STIM1: variants seen among roughly 807,000 people sequenced by gnomAD.
The protein encoded by STIM1 is stromal interaction molecule 1.
STIM1 carries 25 observed loss-of-function variants against 74.7 expected under a neutral mutation model. That is an observed-to-expected ratio of 0.33 (90% CI 0.24 to 0.47). The LOEUF (loss-of-function observed/expected upper bound fraction) is 0.47. Among genes scored for constraint, STIM1 ranks in the 20% least tolerant of loss-of-function variants. The pLI, the probability that STIM1 is intolerant of heterozygous loss-of-function variation, is 1.00. For synonymous variants in STIM1, 328 were observed against 348.8 expected, an observed-to-expected ratio of 0.94 and a Z score of 0.66; for missense variants, 728 against 920.8, an observed-to-expected ratio of 0.79 and a Z score of 2.71.
chr11:4,036,207 T>C (rs1420633356), intron 3 of STIM1, among the ~76,000 whole-genome samples: 1 of 152,122 alleles, frequency 6.6e-6, no homozygotes, highest in Non-Finnish European at 1.5e-5. Flanking sequence ...CATGGGTGCA[T>C]AGTATTCCAT....
chr11:3,942,383 A>T (rs994187543), intron 1 of STIM1, among the ~76,000 whole-genome samples: 1 of 152,162 alleles, frequency 6.6e-6, no homozygotes, highest in Non-Finnish European at 1.5e-5. Context: ...CTTCCTTGTA[A>T]ACTTGTAAGT....
At chr11:3,946,237 C>T (rs2093071909) in intron 1 of STIM1, among the ~76,000 whole-genome samples, 1 of 152,086 alleles carries the variant, frequency 6.6e-6, no homozygotes, top group Non-Finnish European at 1.5e-5. Flanking sequence ...GAGACTTGCC[C>T]TCTCTACACC....
chr11:4,059,221 AC>A, intron 4 of STIM1, 59 bp from the exon 5 acceptor site: 1 of 1,434,628 alleles, frequency 7.0e-7, no homozygotes, highest in Non-Finnish European at 9.8e-7. Context: ...GGGTAATCCT[AC>A]CAGGATCCTT....
chr11:4,018,276 C>T (rs2093918548), intron 2 of STIM1, among the ~76,000 whole-genome samples: 1 of 149,830 alleles, frequency 6.7e-6, no homozygotes, highest in East Asian at 2.0e-4. Flanking sequence ...GGTGAAACCC[C>T]GTCTCTACTA....
At chr11:3,932,773 G>A (rs1448438116) in intron 1 of STIM1, among the ~76,000 whole-genome samples, 1 of 151,986 alleles carries the variant, frequency 6.6e-6, no homozygotes, top group African/African-American at 2.4e-5. Flanking sequence ...GAACCAGTAA[G>A]CGGGCCCTCG....
intron 2 of STIM1, 109 bp from the exon 3 acceptor site, chr11:4,023,764 T>C: frequency 5.3e-6 from 4 of 757,896 alleles, no homozygotes; most frequent in Non-Finnish European, 9.4e-6. Flanking sequence ...ACTTGTATGT[T>C]GGGTAGATGG....
At chr11:3,996,440 C>CTTTT (rs746988899) in intron 2 of STIM1, among the ~76,000 whole-genome samples, 2 of 152,218 alleles carry the variant, frequency 1.3e-5, no homozygotes, top group Non-Finnish European at 2.9e-5. Context: ...AGAGGCCCAC[C>CTTTT]TTTTAGCTGC....
intron 2 of STIM1, among the ~76,000 whole-genome samples, chr11:4,022,602 G>A (rs747632513): frequency 9.9e-5 from 15 of 152,150 alleles, no homozygotes; most frequent in Non-Finnish European, 1.9e-4. Flanking sequence ...TTAGATGTGG[G>A]TTTGTCATAT....
chr11:4,037,144 C>G (rs994343290), intron 3 of STIM1, among the ~76,000 whole-genome samples: 1 of 152,030 alleles, frequency 6.6e-6, no homozygotes, highest in Non-Finnish European at 1.5e-5. Context: ...CAACCTCCGC[C>G]TCCTGGGTTC....
chr11:3,948,481 G>T lies in STIM1; in HGVS notation c.140-19071G>T, dbSNP rs139417282. Reference sequence around the variant, plus strand: ...TTGCTTGCATAATCTTACTTATTTAGAAAAATACATTATTATGCCGTATTT... The same window carrying T: ...TTGCTTGCATAATCTTACTTATTTATAAAAATACATTATTATGCCGTATTT... On this transcript the variant is annotated intron_variant, in intron 1 of 12. Transcript: ENST00000526596. Among the ~76,000 whole-genome samples the T allele has an allele frequency of 4.5e-4, 68 of 152,074 alleles. 1 individual carries two copies. In the East Asian group the frequency reaches 9.9e-3, roughly 22 times the overall value.
chr11:3,941,738 G>T (rs912352020), intron 1 of STIM1, among the ~76,000 whole-genome samples: 1 of 151,404 alleles, frequency 6.6e-6, no homozygotes, highest in Non-Finnish European at 1.5e-5. Context: ...CCAGGCTAGA[G>T]TGCAATGGTA....
rs2289571 is a variant in STIM1, at chr11:4,083,089, A to C, written c.1238+107A>C. The C allele has an allele frequency of 0.14, 167,533 of 1,184,312 alleles. 12,525 individuals carry two copies. Among genetic ancestry groups the C allele is most frequent in the Non-Finnish European group, 0.15 (122,699 of 800,130 alleles). The allele number at this position is 1,184,312 out of a possible 1,614,324, so 73.4% of individuals were successfully genotyped here. A position where few individuals can be genotyped will look rare whatever the true frequency, so the allele number is the denominator to read the frequency against. On this transcript the variant is annotated intron_variant, in intron 9 of 12. Transcript: ENST00000526596. ...TCCATTTCCTCATTGGTGGAGGGAC[A>C]GCTCTGGTCTCCTGCCTCAGCCTTT...
chr11:3,965,409 A>AT (rs2135727761), intron 1 of STIM1, among the ~76,000 whole-genome samples: 1 of 152,308 alleles, frequency 6.6e-6, no homozygotes, highest in Admixed American at 6.5e-5. Context: ...ATGAGATATG[A>AT]TTCATGTTTT....
At chr11:3,972,057 T>G (rs1347189488) in intron 2 of STIM1, among the ~76,000 whole-genome samples, 1 of 150,842 alleles carries the variant, frequency 6.6e-6, no homozygotes, top group Non-Finnish European at 1.5e-5. Context: ...AATTTTCCCC[T>G]TGTTCTCCTG....
At chr11:3,951,076 C>T (rs16929583) in intron 1 of STIM1, among the ~76,000 whole-genome samples, 3,469 of 152,272 alleles carry the variant, frequency 0.023, 117 homozygotes, top group African/African-American at 0.075. Context: ...ATAGAGGTAT[C>T]GCCCTCAGAA....
intron 1 of STIM1, among the ~76,000 whole-genome samples, chr11:3,897,095 T>C (rs2092200198): frequency 6.6e-6 from 1 of 152,218 alleles, no homozygotes; most frequent in South Asian, 2.1e-4. Context: ...GTAGAGGTTT[T>C]GTCTAGAGTG....
At chr11:4,001,081 C>T (rs1442988061) in intron 2 of STIM1, among the ~76,000 whole-genome samples, 1 of 152,088 alleles carries the variant, frequency 6.6e-6, no homozygotes, top group Non-Finnish European at 1.5e-5. Flanking sequence ...AAATGTGGGA[C>T]TATATGAAAA....
intron 5 of STIM1, among the ~76,000 whole-genome samples, chr11:4,060,662 C>G (rs1276807422): frequency 6.6e-6 from 1 of 152,186 alleles, no homozygotes; most frequent in Non-Finnish European, 1.5e-5. Context: ...CAATGGCCTT[C>G]CAGTCATTCA....
chr11:3,968,201 A>G (rs1036356513), intron 2 of STIM1, among the ~76,000 whole-genome samples: 1 of 152,220 alleles, frequency 6.6e-6, no homozygotes, highest in African/African-American at 2.4e-5. Flanking sequence ...TCTAGATAGT[A>G]AGAGTTAAAG....
Sources: allele counts gnomAD v4.1 joint callset (sites outside exome capture counted in the v4.1 genomes callset), GRCh38; gene constraint gnomAD v4.1.1; transcripts MANE v1.5; gene names NCBI Gene and HGNC (gene_info 2026-07-23, HGNC 2026-07-21).